KCNIP4: variants seen among roughly 807,000 people sequenced by gnomAD.
The protein encoded by KCNIP4 is potassium voltage-gated channel interacting protein 4.
A neutral mutation model predicts 34.0 loss-of-function variants in KCNIP4; 12 were observed. That is an observed-to-expected ratio of 0.35 (90% CI 0.23 to 0.57). The LOEUF is 0.57. Among genes scored for constraint, KCNIP4 ranks in the 20% least tolerant of loss-of-function variants. The pLI is 0.83. For synonymous variants in KCNIP4, 124 were observed against 102.2 expected, an observed-to-expected ratio of 1.21 and a Z score of -1.29; for missense variants, 238 against 311.7, an observed-to-expected ratio of 0.76 and a Z score of 1.78.
chr4:20,831,273 A>C (rs1051709752), intron 3 of KCNIP4, among the ~76,000 whole-genome samples: 10 of 152,164 alleles, frequency 6.6e-5, no homozygotes, highest in African/African-American at 1.9e-4. Flanking sequence ...CCATTTATGC[A>C]TAAGGAAATT....
intron 1 of KCNIP4, among the ~76,000 whole-genome samples, chr4:21,041,663 C>T (rs1315881251): frequency 1.3e-5 from 2 of 152,154 alleles, no homozygotes; most frequent in Admixed American, 1.3e-4. Context: ...ATCCTAATGA[C>T]ATGCAAAGAA....
chr4:21,768,485 G>A (rs1031722609), intron 1 of KCNIP4, among the ~76,000 whole-genome samples: 3 of 152,054 alleles, frequency 2.0e-5, no homozygotes, highest in African/African-American at 7.2e-5. Flanking sequence ...AAAGAGAAAT[G>A]CTTCACTCCC....
chr4:21,000,155 G>A (rs1737979211), intron 1 of KCNIP4, among the ~76,000 whole-genome samples: 2 of 152,106 alleles, frequency 1.3e-5, no homozygotes, highest in South Asian at 4.2e-4. Context: ...TAAGCAGAAG[G>A]ATCTGCAGCT....
At chr4:20,736,731 C>T (rs1447360582) in intron 5 of KCNIP4, among the ~76,000 whole-genome samples, 1 of 152,146 alleles carries the variant, frequency 6.6e-6, no homozygotes, top group Non-Finnish European at 1.5e-5. Context: ...AATTATACAA[C>T]CCTTCCACTT....
chr4:21,627,230 C>T lies in KCNIP4; in HGVS notation c.61+321341G>A, dbSNP rs547714408. Among the ~76,000 whole-genome samples the T allele has an allele frequency of 1.2e-4, 18 of 152,252 alleles. No homozygotes were observed. In the East Asian group the frequency reaches 3.3e-3, roughly 28 times the overall value. Reference sequence around the variant, plus strand: ...GAATCTAGACCTTTTCAGATTTCTACACTGCATTCTACACTAGGCAGTTTA... The same window carrying T: ...GAATCTAGACCTTTTCAGATTTCTATACTGCATTCTACACTAGGCAGTTTA... On this transcript the variant is annotated intron_variant, in intron 1 of 8. Coordinates refer to ENST00000382152, the MANE Select transcript of KCNIP4 (RefSeq NM_025221.6).
At chr4:20,907,583 T>G (rs1264916615) in intron 1 of KCNIP4, among the ~76,000 whole-genome samples, 1 of 152,146 alleles carries the variant, frequency 6.6e-6, no homozygotes, top group Admixed American at 6.5e-5. Context: ...ATGGACAACT[T>G]CAGGTAGGAA....
At chr4:20,881,051 G>A (rs1337634110) in intron 2 of KCNIP4, among the ~76,000 whole-genome samples, 2 of 152,140 alleles carry the variant, frequency 1.3e-5, no homozygotes, top group Non-Finnish European at 2.9e-5. Context: ...AGCTTTCTTT[G>A]TTTTGTTTTG....
intron 3 of KCNIP4, among the ~76,000 whole-genome samples, chr4:20,836,838 G>A (rs1719089943): frequency 6.6e-6 from 1 of 151,444 alleles, no homozygotes; most frequent in African/African-American, 2.4e-5. Context: ...TAGGTCTCCT[G>A]CATCCACAGG....
intron 1 of KCNIP4, among the ~76,000 whole-genome samples, chr4:21,668,306 A>G (rs189291282): frequency 1.7e-3 from 265 of 152,244 alleles, no homozygotes; most frequent in African/African-American, 6.0e-3. Flanking sequence ...AGGTATACCT[A>G]TGTAACAAAC....
chr4:21,262,668 G>C (rs1231733298), intron 1 of KCNIP4, among the ~76,000 whole-genome samples: 1 of 151,976 alleles, frequency 6.6e-6, no homozygotes, highest in African/African-American at 2.4e-5. Context: ...ACTTCTCTGG[G>C]AGCAATTTCT....
intron 1 of KCNIP4, among the ~76,000 whole-genome samples, chr4:21,532,903 T>C (rs1252691319): frequency 1.3e-5 from 2 of 150,728 alleles, no homozygotes; most frequent in Non-Finnish European, 2.9e-5. Flanking sequence ...AAAAATAGCT[T>C]TTATTCCTTT....
chr4:20,855,477 T>C (rs1721475271), intron 2 of KCNIP4, among the ~76,000 whole-genome samples: 1 of 152,116 alleles, frequency 6.6e-6, no homozygotes, highest in South Asian at 2.1e-4. Flanking sequence ...CAGTTGGAAA[T>C]GTAGTCCTTT....
intron 1 of KCNIP4, among the ~76,000 whole-genome samples, chr4:21,223,901 C>T (rs1313772241): frequency 1.3e-5 from 2 of 151,958 alleles, no homozygotes; most frequent in South Asian, 2.1e-4. Context: ...CACCTTTAGC[C>T]GCCCACTCCT....
At chr4:21,067,162 C>T (rs1234297133) in intron 1 of KCNIP4, among the ~76,000 whole-genome samples, 1 of 152,110 alleles carries the variant, frequency 6.6e-6, no homozygotes, top group East Asian at 1.9e-4. Context: ...AGAAGATAAC[C>T]TGCTGCCTTG....
intron 2 of KCNIP4, among the ~76,000 whole-genome samples, chr4:20,881,047 CTTTGT>C (rs951834012): frequency 6.6e-6 from 1 of 152,150 alleles, no homozygotes; most frequent in African/African-American, 2.4e-5. Flanking sequence ...GAAGAGCTTT[CTTTGT>C]TTTGTTTTGT....
intron 3 of KCNIP4, among the ~76,000 whole-genome samples, chr4:20,806,303 C>A (rs1437078222): frequency 1.3e-5 from 2 of 151,732 alleles, no homozygotes; most frequent in Admixed American, 1.3e-4. Context: ...TGCTAGTTTC[C>A]ATTTCATGCA....
rs552824367 is a variant in KCNIP4, at chr4:21,194,089, T to C, written c.62-311380A>G. Among the ~76,000 whole-genome samples the C allele has an allele frequency of 2.0e-5, 3 of 152,304 alleles. No homozygotes were observed. In the East Asian group the frequency reaches 5.8e-4, roughly 29 times the overall value. On this transcript the variant is annotated intron_variant, in intron 1 of 8. Transcript: ENST00000382152. ...CAATAGAATGGCACTAAAGACACTT[T>C]TACAAATGTTGCTTTATCAAGTGGG...
chr4:20,971,035 A>G (rs1009555659), intron 1 of KCNIP4, among the ~76,000 whole-genome samples: 2 of 152,252 alleles, frequency 1.3e-5, no homozygotes, highest in African/African-American at 4.8e-5. Context: ...AGCTGAGCTT[A>G]AAGGATAAGA....
Position 20,889,961 on chromosome 4 carries a change from T to G in KCNIP4, c.62-7252A>C, listed in dbSNP as rs532631855. 2.0e-5 allele frequency among the ~76,000 whole-genome samples: 3 copies of G among 152,250 alleles called. No homozygotes were observed. The South Asian group carries it at 6.2e-4, about 32-fold the overall frequency. ...TTTATAATGTACATATTATAAGCAT[T>G]ATAAATGATGTTCTTTGTAGAACTG... is the stretch of plus-strand genomic sequence containing the variant. On this transcript the variant is annotated intron_variant, in intron 1 of 8. Transcript: ENST00000382152.
Sources: gnomAD v4.1 joint callset for allele counts (sites outside exome capture counted in the v4.1 genomes callset) on GRCh38, gnomAD v4.1.1 for gene constraint, MANE v1.5 for transcripts, NCBI Gene and HGNC (gene_info 2026-07-23, HGNC 2026-07-21) for gene names.